The following CDC25C variants were observed in gnomAD, a reference collection of about 807,000 sequenced individuals.
CDC25C encodes the protein M-phase inducer phosphatase 3.
Under a neutral mutation model 52.5 loss-of-function variants are expected in CDC25C, and 48 were observed. That is an observed-to-expected ratio of 0.91 (90% CI 0.72 to 1.16). The LOEUF (loss-of-function observed/expected upper bound fraction) is 1.16. Ranked by LOEUF, CDC25C falls within the 50% of genes most tolerant of loss-of-function variation. The pLI is 0.00. For missense variants in CDC25C, 510 were observed against 566.1 expected, an observed-to-expected ratio of 0.90 and a Z score of 1.01; for synonymous variants, 187 against 206.5, an observed-to-expected ratio of 0.91 and a Z score of 0.81.
chr5:138,324,744 G>A (rs1759719683), intron 6 of CDC25C, among the ~76,000 whole-genome samples: 1 of 150,592 alleles, frequency 6.6e-6, no homozygotes, highest in Non-Finnish European at 1.5e-5. Flanking sequence ...GGGAACAAGA[G>A]CAAAACTCTG....
At position 138,331,562 on chromosome 5, in the gene CDC25C, G is replaced by A. The variant is rs11567956; in HGVS notation, c.-39+33C>T. ...CCCTAAGGGGGACAATGGGGTCTCC[G>A]TGATTCCGTGGCGGAGACGGCTGCG... On this transcript the variant is annotated intron_variant, in intron 1 of 13. Coordinates refer to ENST00000323760, the MANE Select transcript of CDC25C (RefSeq NM_001790.5). The A allele has an allele frequency of 2.2e-5, 23 of 1,050,312 alleles. No homozygotes were observed. In the East Asian group the frequency reaches 1.7e-3, roughly 77 times the overall value. 65.1% of individuals were successfully genotyped at this position (1,050,312 alleles called of 1,614,324 possible).
At chr5:138,337,229 C>G in intron 1 of CDC25C, 1 of 152,438 alleles carries the variant, frequency 6.6e-6, no homozygotes, top group South Asian at 2.0e-4. Flanking sequence ...ACATAAGAGC[C>G]AGAAACCATC....
chr5:138,287,287 G>C lies in CDC25C; in HGVS notation c.928-20C>G, dbSNP rs774677035. On this transcript the variant is annotated intron_variant, in intron 10 of 13. Transcript: ENST00000323760. ...AGCCACCTGGACAGAAACAATGACT[G>C]AATATTCTGCTCACTGCCACTCTGA... is the stretch of plus-strand genomic sequence containing the variant. The C allele has an allele frequency of 6.4e-7, 1 of 1,563,248 alleles. No homozygotes were observed. Among genetic ancestry groups the C allele is most frequent in the African/African-American group, 1.4e-5 (1 of 73,872 alleles).
intron 7 of CDC25C, among the ~76,000 whole-genome samples, chr5:138,312,380 A>C (rs1455795766): frequency 1.3e-5 from 2 of 152,214 alleles, no homozygotes; most frequent in South Asian, 2.1e-4. Context: ...AAAAAAGTAA[A>C]AGAACTGAAA....
intron 7 of CDC25C, among the ~76,000 whole-genome samples, chr5:138,313,020 T>C (rs1007667709): frequency 6.6e-6 from 1 of 151,954 alleles, no homozygotes; most frequent in Non-Finnish European, 1.5e-5. Context: ...GAAAATAGAA[T>C]AGTGGTTACT....
At chr5:138,320,376 CG>C (rs2126797524) in intron 6 of CDC25C, among the ~76,000 whole-genome samples, 1 of 152,006 alleles carries the variant, frequency 6.6e-6, no homozygotes, top group South Asian at 2.1e-4. Flanking sequence ...ATGTTCATAA[CG>C]GCATTACTCA....
rs1759829479 is a variant in CDC25C at position 138,326,057 on chromosome 5, G to A, written c.336-3C>T. ...TCATTAGGTGCTGGTCATGATTCCT[G>A]CAGATTAAAACAAACTGCCTGTCAG... On this transcript the variant is annotated splice_region_variant and splice_polypyrimidine_tract_variant and intron_variant, in intron 4 of 13. Coordinates refer to ENST00000323760, the MANE Select transcript of CDC25C (RefSeq NM_001790.5). 1.9e-6 allele frequency: 3 copies of A among 1,613,992 alleles called. No homozygotes were observed. In the South Asian group the frequency reaches 3.3e-5, roughly 18 times the overall value.
intron 6 of CDC25C, among the ~76,000 whole-genome samples, chr5:138,321,434 A>T (rs1407296326): frequency 1.3e-5 from 2 of 152,120 alleles, no homozygotes; most frequent in African/African-American, 4.8e-5. Context: ...CCTCCATCCT[A>T]GAAACCAAAA....
chr5:138,317,511 CG>C (rs1758972311), intron 7 of CDC25C, among the ~76,000 whole-genome samples: 1 of 151,522 alleles, frequency 6.6e-6, no homozygotes, highest in Non-Finnish European at 1.5e-5. Context: ...GAAACCACAT[CG>C]CTACAAAAAA....
chr5:138,299,382 A>C (rs1479758912), intron 7 of CDC25C, among the ~76,000 whole-genome samples: 2 of 135,062 alleles, frequency 1.5e-5, no homozygotes, highest in African/African-American at 5.6e-5. Flanking sequence ...TGTAATCTCA[A>C]CTACTTGGGA....
At chr5:138,322,102 C>T (rs934160432) in intron 6 of CDC25C, among the ~76,000 whole-genome samples, 4 of 144,740 alleles carry the variant, frequency 2.8e-5, no homozygotes, top group Admixed American at 6.9e-5. Flanking sequence ...CCCGGGTTCA[C>T]GCCATTCTCC....
intron 2 of CDC25C, among the ~76,000 whole-genome samples, chr5:138,330,492 C>A (rs181740091): frequency 6.6e-6 from 1 of 152,076 alleles, no homozygotes; most frequent in South Asian, 2.1e-4. Context: ...AGATAGGAAG[C>A]GATTATTATT....
In CDC25C at chr5:138,309,707, C is replaced by A. The variant is rs868422657; in HGVS notation, c.615+9512G>T. 7.6e-4 allele frequency among the ~76,000 whole-genome samples: 102 copies of A among 133,896 alleles called. 1 individual carries two copies. The highest frequency in any genetic ancestry group is 2.6e-3 in the African/African-American group (96 of 36,400). 87.8% of individuals were successfully genotyped at this position (133,896 alleles called of 152,430 possible). A position where few individuals can be genotyped will look rare whatever the true frequency, so the allele number is the denominator to read the frequency against. On this transcript the variant is annotated intron_variant, in intron 7 of 13. Coordinates refer to ENST00000323760, the MANE Select transcript of CDC25C (RefSeq NM_001790.5). Reference sequence around the variant, plus strand: ...TCAAACTAACTAAAACCTCCCCTGGCTCTCAAAATTTTTTTTTTTTTTTTT... The same window carrying A: ...TCAAACTAACTAAAACCTCCCCTGGATCTCAAAATTTTTTTTTTTTTTTTT...
chr5:138,322,635 C>T (rs780161641), intron 6 of CDC25C, among the ~76,000 whole-genome samples: 381 of 151,836 alleles, frequency 2.5e-3, no homozygotes, highest in Middle Eastern at 6.9e-3. Flanking sequence ...GCCACCATGC[C>T]CGGCTAATTT....
At chr5:138,292,164 C>A in intron 7 of CDC25C, 48 bp from the exon 8 acceptor site, 2 of 1,445,014 alleles carry the variant, frequency 1.4e-6, no homozygotes, top group South Asian at 1.4e-5. Context: ...CCAAGTGTGT[C>A]TGCAGACCTG....
chr5:138,286,735 G>C, intron 11 of CDC25C, 105 bp from the exon 12 acceptor site: 1 of 1,081,972 alleles, frequency 9.2e-7, no homozygotes, highest in Non-Finnish European at 1.3e-6. Context: ...GACCAGAAAA[G>C]CTGGACTATA....
intron 11 of CDC25C, among the ~76,000 whole-genome samples, 162 bp downstream of exon 11, chr5:138,287,007 A>G (rs995242556): frequency 6.6e-6 from 1 of 152,144 alleles, no homozygotes; most frequent in Non-Finnish European, 1.5e-5. Context: ...AACCTGCTTA[A>G]GGTATACAGA....
chr5:138,306,691 G>T (rs1758027386), intron 7 of CDC25C, among the ~76,000 whole-genome samples: 1 of 151,690 alleles, frequency 6.6e-6, no homozygotes, highest in Non-Finnish European at 1.5e-5. Flanking sequence ...GGCCAGGCTG[G>T]TCTCAAATTC....
chr5:138,337,944 G>A lies in CDC25C; in HGVS notation c.13+12C>T, dbSNP rs1398332837. ...TGGAGGGAGGGAGGGCAGGGGCGAT[G>A]CCTTTGTTTACCTTCTTCCGACATG... On this transcript the variant is annotated intron_variant, in intron 1 of 5. Transcript: ENST00000510119. The A allele has an allele frequency of 2.3e-6, 3 of 1,288,342 alleles. No individual in the cohort carries two copies. The Admixed American group carries it at 6.9e-5, about 30-fold the overall frequency. The allele number at this position is 1,288,342 out of a possible 1,614,324, so 79.8% of individuals were successfully genotyped here.
Sources: allele counts gnomAD v4.1 joint callset (sites outside exome capture counted in the v4.1 genomes callset), GRCh38; gene constraint gnomAD v4.1.1; transcripts MANE v1.5; gene names NCBI Gene and HGNC (gene_info 2026-07-23, HGNC 2026-07-21).